Variants in PTPRD observed in about 807,000 individuals in gnomAD.
PTPRD encodes the protein protein tyrosine phosphatase receptor type D.
In PTPRD, 34 loss-of-function variants were observed where a neutral mutation model predicts 214.5. That is an observed-to-expected ratio of 0.16 (90% CI 0.12 to 0.21). The LOEUF (loss-of-function observed/expected upper bound fraction) is 0.21, where lower values mean the gene tolerates loss of function less well. Among genes scored for constraint, PTPRD ranks in the 10% least tolerant of loss-of-function variants. The pLI, the probability that PTPRD is intolerant of heterozygous loss-of-function variation, is 1.00. For missense variants in PTPRD, 2,545 were observed against 2,398.7 expected, an observed-to-expected ratio of 1.06 and a Z score of -1.27; for synonymous variants, 1,128 against 845.7, an observed-to-expected ratio of 1.33 and a Z score of -5.79.
At chr9:8,430,831 T>G (rs2094997685) in intron 35 of PTPRD, among the ~76,000 whole-genome samples, 1 of 152,132 alleles carries the variant, frequency 6.6e-6, no homozygotes, top group Non-Finnish European at 1.5e-5. Context: ...TTCAATACCT[T>G]TCTCAATTCT....
intron 14 of PTPRD, among the ~76,000 whole-genome samples, chr9:8,538,817 T>C (rs1399985185): frequency 1.3e-5 from 2 of 151,924 alleles, no homozygotes; most frequent in Non-Finnish European, 2.9e-5. Flanking sequence ...ACACCTTGTA[T>C]TCAGATCTTG....
intron 10 of PTPRD, among the ~76,000 whole-genome samples, chr9:9,106,444 G>A (rs551634230): frequency 1.3e-5 from 2 of 151,666 alleles, no homozygotes; most frequent in East Asian, 1.9e-4. Context: ...AAAATTATAA[G>A]CTATAGTTAA....
At chr9:9,553,864 G>A (rs1435180548) in intron 8 of PTPRD, among the ~76,000 whole-genome samples, 1 of 151,954 alleles carries the variant, frequency 6.6e-6, no homozygotes, top group East Asian at 1.9e-4. Context: ...TTACTTAATT[G>A]CTGATTATTG....
At chr9:10,211,276 T>G (rs575430960) in intron 3 of PTPRD, among the ~76,000 whole-genome samples, 1 of 152,202 alleles carries the variant, frequency 6.6e-6, no homozygotes, top group East Asian at 1.9e-4. Context: ...AGGAAAAAAC[T>G]AGAATTCTAA....
intron 12 of PTPRD, among the ~76,000 whole-genome samples, chr9:8,677,956 T>G (rs1411790281): frequency 6.6e-6 from 1 of 152,090 alleles, no homozygotes; most frequent in Non-Finnish European, 1.5e-5. Flanking sequence ...CCTCTGCTGG[T>G]GTTGAGGCTC....
At chr9:9,345,139 T>C (rs1459342354) in intron 9 of PTPRD, among the ~76,000 whole-genome samples, 2 of 152,190 alleles carry the variant, frequency 1.3e-5, no homozygotes, top group African/African-American at 2.4e-5. Flanking sequence ...AGTGAGATTT[T>C]ACAAATGCTA....
chr9:9,990,166 G>C (rs2095864027), intron 4 of PTPRD, among the ~76,000 whole-genome samples: 1 of 152,182 alleles, frequency 6.6e-6, no homozygotes, highest in Non-Finnish European at 1.5e-5. Context: ...CAGAGGTTTA[G>C]TCATTACGTG....
chr9:8,665,527 T>C (rs1223173080), intron 12 of PTPRD, among the ~76,000 whole-genome samples: 1 of 152,228 alleles, frequency 6.6e-6, no homozygotes, highest in Non-Finnish European at 1.5e-5. Flanking sequence ...GCTCAACTGT[T>C]AAGTCACTTA....
intron 14 of PTPRD, among the ~76,000 whole-genome samples, chr9:8,581,137 G>A (rs1176614940): frequency 6.6e-6 from 1 of 151,974 alleles, no homozygotes; most frequent in African/African-American, 2.4e-5. Context: ...AGCTGGAACA[G>A]AGAGTCAAGT....
intron 9 of PTPRD, among the ~76,000 whole-genome samples, chr9:9,205,611 A>T (rs2099944363): frequency 6.6e-6 from 1 of 152,222 alleles, no homozygotes; most frequent in Non-Finnish European, 1.5e-5. Context: ...AAGTTTTCTT[A>T]GCACTAAGCA....
chr9:9,595,725 T>C (rs932518423), intron 7 of PTPRD, among the ~76,000 whole-genome samples: 1 of 151,754 alleles, frequency 6.6e-6, no homozygotes, highest in Non-Finnish European at 1.5e-5. Context: ...TTCTCACTCA[T>C]AAGTGGAAGC....
In PTPRD at chr9:9,568,294, A is replaced by C. The variant is rs939928614; in HGVS notation, c.-237+6438T>G. ...GCACATCCTTCTTGTTTTGTAGTAGAACACATGGAAGACTTGAGAAAATAA... is the reference window on the plus strand; with the variant it reads ...GCACATCCTTCTTGTTTTGTAGTAGCACACATGGAAGACTTGAGAAAATAA... On this transcript the variant is annotated intron_variant, in intron 8 of 45. Coordinates refer to ENST00000381196, the MANE Select transcript of PTPRD (RefSeq NM_002839.4). 2.0e-5 allele frequency among the ~76,000 whole-genome samples: 3 copies of C among 152,038 alleles called. No homozygotes were observed. The East Asian group carries it at 5.8e-4, about 29-fold the overall frequency.
At chr9:9,652,734 C>T (rs1286919302) in intron 7 of PTPRD, among the ~76,000 whole-genome samples, 1 of 151,864 alleles carries the variant, frequency 6.6e-6, no homozygotes, top group Non-Finnish European at 1.5e-5. Flanking sequence ...CCTACCTCAG[C>T]CTCCCAAGTA....
At chr9:9,820,302 G>A (rs1188722725) in intron 5 of PTPRD, among the ~76,000 whole-genome samples, 1 of 151,946 alleles carries the variant, frequency 6.6e-6, no homozygotes, top group Non-Finnish European at 1.5e-5. Flanking sequence ...AAAAGTGTCT[G>A]TTCTTATATT....
At chr9:10,088,013 A>ACTT (rs2098377431) in intron 3 of PTPRD, among the ~76,000 whole-genome samples, 1 of 151,768 alleles carries the variant, frequency 6.6e-6, no homozygotes, top group African/African-American at 2.4e-5. Flanking sequence ...TGCTTGCAAT[A>ACTT]CTTAGCATGA....
intron 3 of PTPRD, among the ~76,000 whole-genome samples, chr9:10,238,055 CT>C (rs2099634860): frequency 6.6e-6 from 1 of 151,514 alleles, no homozygotes; most frequent in Non-Finnish European, 1.5e-5. Context: ...AATCCTTTCT[CT>C]GATTCTCAAG....
chr9:9,299,541 T>C (rs1954445413), intron 9 of PTPRD, among the ~76,000 whole-genome samples: 1 of 151,766 alleles, frequency 6.6e-6, no homozygotes, highest in African/African-American at 2.4e-5. Flanking sequence ...ATTTGGGATT[T>C]AAATATTGCT....
chr9:10,103,558 AG>A (rs2098591814), intron 3 of PTPRD, among the ~76,000 whole-genome samples: 1 of 151,196 alleles, frequency 6.6e-6, no homozygotes, highest in African/African-American at 2.4e-5. Flanking sequence ...ATACAATATA[AG>A]CCCCCTAAAG....
intron 3 of PTPRD, among the ~76,000 whole-genome samples, chr9:10,203,459 G>A (rs1229501250): frequency 1.3e-5 from 2 of 151,960 alleles, no homozygotes; most frequent in Non-Finnish European, 2.9e-5. Context: ...TGATGAAAAG[G>A]CCACACCCAC....
Sources: gnomAD v4.1 joint callset for allele counts (sites outside exome capture counted in the v4.1 genomes callset) on GRCh38, gnomAD v4.1.1 for gene constraint, MANE v1.5 for transcripts, NCBI Gene and HGNC (gene_info 2026-07-23, HGNC 2026-07-21) for gene names.